The following DSCAM variants were observed in gnomAD, a reference collection of about 807,000 sequenced individuals.
DSCAM encodes the protein DS cell adhesion molecule.
Under a neutral mutation model 217.7 loss-of-function variants are expected in DSCAM, and 47 were observed. That is an observed-to-expected ratio of 0.22 (90% CI 0.17 to 0.28). DSCAM has a LOEUF of 0.28. Ranked by LOEUF, DSCAM falls within the 10% of genes least tolerant of loss-of-function variation. The probability of loss-of-function intolerance (pLI) is 1.00; values close to 1 mark genes in which losing one functional copy is unlikely to be tolerated. For synonymous variants in DSCAM, 1,056 were observed against 1,015.3 expected, an observed-to-expected ratio of 1.04 and a Z score of -0.76; for missense variants, 2,080 against 2,618.3, an observed-to-expected ratio of 0.79 and a Z score of 4.49.
chr21:40,797,846 T>C (rs2091705398), intron 1 of DSCAM, among the ~76,000 whole-genome samples: 1 of 152,130 alleles, frequency 6.6e-6, no homozygotes, highest in Admixed American at 6.5e-5. Context: ...AAGGATCTGG[T>C]GTTTTCTAAT....
At position 40,490,241 on chromosome 21, in the gene DSCAM, G is replaced by T. The variant is rs80312779; in HGVS notation, c.509-120996C>A. ...CTCCCATGACACGTGGGAATTATGG[G>T]AGATAAAATGCAAAATGAGATTTGG... On this transcript the variant is annotated intron_variant, in intron 3 of 32. Transcript: ENST00000400454. Among the ~76,000 whole-genome samples, 731 of 152,314 alleles carry T rather than the reference G, an allele frequency of 4.8e-3. 8 individuals are homozygous for T. Among genetic ancestry groups the T allele is most frequent in the African/African-American group, 0.017 (691 of 41,568 alleles).
intron 16 of DSCAM, among the ~76,000 whole-genome samples, chr21:40,162,456 A>G (rs1270642008): frequency 6.6e-6 from 1 of 152,198 alleles, no homozygotes; most frequent in Non-Finnish European, 1.5e-5. Context: ...AGGCAAGTGG[A>G]GCCTGCAGTT....
At chr21:40,451,207 G>A in intron 3 of DSCAM, among the ~76,000 whole-genome samples, 1 of 152,110 alleles carries the variant, frequency 6.6e-6, no homozygotes, top group Non-Finnish European at 1.5e-5. Flanking sequence ...AGACTCCAAA[G>A]GGCCACAATG....
At chr21:40,297,927 TA>T (rs1460323158) in intron 9 of DSCAM, among the ~76,000 whole-genome samples, 1 of 152,188 alleles carries the variant, frequency 6.6e-6, no homozygotes, top group Non-Finnish European at 1.5e-5. Context: ...GGTCTCAATT[TA>T]CTTATCTGAA....
chr21:40,252,781 G>A (rs1459140786), intron 11 of DSCAM, among the ~76,000 whole-genome samples: 2 of 152,072 alleles, frequency 1.3e-5, no homozygotes, highest in Non-Finnish European at 2.9e-5. Context: ...TCCCATTAAA[G>A]GCTTAAGTTC....
intron 16 of DSCAM, among the ~76,000 whole-genome samples, chr21:40,146,158 T>A (rs2090354518): frequency 6.6e-6 from 1 of 150,956 alleles, no homozygotes; most frequent in East Asian, 2.0e-4. Flanking sequence ...AACTATGAAG[T>A]GTGGAAATGC....
At chr21:40,716,596 G>C (rs952236612) in intron 1 of DSCAM, among the ~76,000 whole-genome samples, 6 of 152,100 alleles carry the variant, frequency 3.9e-5, no homozygotes, top group African/African-American at 1.4e-4. Flanking sequence ...CATAACCAAG[G>C]CTCCACTGAC....
intron 11 of DSCAM, among the ~76,000 whole-genome samples, chr21:40,215,294 A>C (rs955614989): frequency 9.2e-5 from 14 of 151,404 alleles, no homozygotes; most frequent in African/African-American, 3.4e-4. Flanking sequence ...AGTCCTCATC[A>C]ATCCATGAAT....
chr21:40,800,102 C>A (rs1017847832), intron 1 of DSCAM, among the ~76,000 whole-genome samples: 1 of 152,154 alleles, frequency 6.6e-6, no homozygotes, highest in African/African-American at 2.4e-5. Context: ...ACTAAGCATC[C>A]TCACCATATG....
chr21:40,545,037 G>A (rs1264451588), intron 3 of DSCAM, among the ~76,000 whole-genome samples: 1 of 152,128 alleles, frequency 6.6e-6, no homozygotes, highest in Non-Finnish European at 1.5e-5. Context: ...TTAGGAGGTA[G>A]GACTTTTGAG....
At chr21:40,300,198 C>A (rs1366413478) in intron 9 of DSCAM, among the ~76,000 whole-genome samples, 1 of 152,098 alleles carries the variant, frequency 6.6e-6, no homozygotes, top group Non-Finnish European at 1.5e-5. Flanking sequence ...GTGTAGAGCA[C>A]CATATCCTTC....
At chr21:40,811,497 A>G (rs2091838471) in intron 1 of DSCAM, among the ~76,000 whole-genome samples, 1 of 152,170 alleles carries the variant, frequency 6.6e-6, no homozygotes, top group Non-Finnish European at 1.5e-5. Flanking sequence ...GTGTGTTCTA[A>G]AGAGTTTTAA....
intron 3 of DSCAM, among the ~76,000 whole-genome samples, chr21:40,535,796 G>A (rs2837689): frequency 0.29 from 43,470 of 152,082 alleles, 8,143 homozygotes; most frequent in African/African-American, 0.52. Context: ...CACCTAAATG[G>A]AGCAAGGTGA....
chr21:40,699,991 G>A (rs565618055), intron 2 of DSCAM, among the ~76,000 whole-genome samples: 44 of 152,200 alleles, frequency 2.9e-4, no homozygotes, highest in Non-Finnish European at 5.6e-4. Flanking sequence ...GAGAGGAGAA[G>A]TCAATGCCTA....
At chr21:40,827,468 C>CAAAAAAAAAAAAA (rs55906607) in intron 1 of DSCAM, among the ~76,000 whole-genome samples, 1 of 57,132 alleles carries the variant, frequency 1.8e-5, no homozygotes, top group Non-Finnish European at 3.6e-5. Context: ...GTCCATGTCT[C>CAAAAAAAAAAAAA]AAAAAAAAAA....
intron 11 of DSCAM, among the ~76,000 whole-genome samples, chr21:40,246,585 G>T (rs1414228040): frequency 3.3e-5 from 5 of 151,504 alleles, no homozygotes; most frequent in African/African-American, 1.2e-4. Flanking sequence ...ATCTTGGGGT[G>T]GGTAGATGTG....
At chr21:40,801,193 C>G (rs560950676) in intron 1 of DSCAM, among the ~76,000 whole-genome samples, 12 of 151,918 alleles carry the variant, frequency 7.9e-5, no homozygotes, top group African/African-American at 2.9e-4. Flanking sequence ...CCTTGTGATC[C>G]CCCTGCCTTG....
chr21:40,548,138 A>C (rs993731410), intron 3 of DSCAM, among the ~76,000 whole-genome samples: 4 of 152,138 alleles, frequency 2.6e-5, no homozygotes, highest in African/African-American at 9.7e-5. Flanking sequence ...AGTTCATAAC[A>C]GTTTCTTCAA....
chr21:40,498,726 T>TATA (rs60251144), intron 3 of DSCAM, among the ~76,000 whole-genome samples: 1 of 16,832 alleles, frequency 5.9e-5, no homozygotes, highest in Non-Finnish European at 1.1e-4. Flanking sequence ...TATATATATA[T>TATA]GGGTGTGTGT....
Sources: allele counts gnomAD v4.1 joint callset (sites outside exome capture counted in the v4.1 genomes callset), GRCh38; gene constraint gnomAD v4.1.1; transcripts MANE v1.5; gene names NCBI Gene and HGNC (gene_info 2026-07-23, HGNC 2026-07-21).